Variants in SAMMSON observed in about 807,000 individuals in gnomAD.
SAMMSON encodes the protein long intergenic non-protein coding RNA 1212.
intron 4 of SAMMSON, among the ~76,000 whole-genome samples, chr3:70,085,718 G>A (rs1170558307): frequency 6.6e-6 from 1 of 152,144 alleles, no homozygotes; most frequent in East Asian, 1.9e-4. Context: ...AGTAGACTCA[G>A]TTTAAACACA....
intron 4 of SAMMSON, among the ~76,000 whole-genome samples, chr3:70,190,470 C>G (rs745591485): frequency 6.6e-6 from 1 of 152,166 alleles, no homozygotes; most frequent in Non-Finnish European, 1.5e-5. Flanking sequence ...CCATCTTAGT[C>G]CAGGTCACTA....
At chr3:70,138,233 TTTTG>T (rs892534231) in intron 4 of SAMMSON, among the ~76,000 whole-genome samples, 42 of 152,318 alleles carry the variant, frequency 2.8e-4, no homozygotes, top group African/African-American at 7.7e-4. Context: ...AATCCCCATT[TTTTG>T]TTTGTTTGTG....
chr3:70,094,859 T>G (rs1258012918), intron 4 of SAMMSON: 1 of 152,056 alleles, frequency 6.6e-6, no homozygotes, highest in Non-Finnish European at 1.5e-5. Flanking sequence ...AGGTTACAGG[T>G]AAGGGTTTTT....
intron 3 of SAMMSON, among the ~76,000 whole-genome samples, chr3:70,037,110 G>C (rs2107585414): frequency 6.6e-6 from 1 of 152,022 alleles, no homozygotes; most frequent in East Asian, 1.9e-4. Context: ...TATGGTACAG[G>C]AATGGGAGTC....
chr3:70,233,413 A>G (rs1257266386), intron 4 of SAMMSON, among the ~76,000 whole-genome samples: 1 of 152,166 alleles, frequency 6.6e-6, no homozygotes, highest in East Asian at 1.9e-4. Context: ...ATCTCATTTT[A>G]AATCACTTGC....
At chr3:70,270,768 A>C (rs1317561620) in intron 6 of SAMMSON, among the ~76,000 whole-genome samples, 1 of 152,204 alleles carries the variant, frequency 6.6e-6, no homozygotes, top group Non-Finnish European at 1.5e-5. Context: ...CATCATTCTC[A>C]GCAAACTAAC....
In SAMMSON at chr3:70,179,628, A is replaced by G. The variant is rs147543508; in HGVS notation, n.508-69479A>G. Among the ~76,000 whole-genome samples the G allele has an allele frequency of 6.8e-4, 103 of 152,304 alleles. 3 individuals are homozygous for G. Among genetic ancestry groups the G allele is most frequent in the East Asian group, 6.2e-3 (32 of 5,182 alleles). ...GGCAGAGGTGGGTCTTAACACTAGG[A>G]TCTTTATCTACCAGCCCAACACTTT... On this transcript the variant is annotated intron_variant and non_coding_transcript_variant, in intron 4 of 9. Coordinates refer to ENST00000642114, the Ensembl canonical transcript of SAMMSON.
intron 6 of SAMMSON, among the ~76,000 whole-genome samples, chr3:70,255,776 G>A (rs6419771): frequency 0.99 from 150,410 of 152,292 alleles, 74,290 homozygotes; most frequent in Non-Finnish European, 1. Context: ...TTTTTCAACT[G>A]CAGCTTATGT....
chr3:70,192,656 G>A (rs779915098), intron 4 of SAMMSON, among the ~76,000 whole-genome samples: 5 of 152,114 alleles, frequency 3.3e-5, no homozygotes, highest in South Asian at 2.1e-4. Context: ...TAGAACTAGC[G>A]TTGCCAGATT....
chr3:70,178,064 C>T (rs1476589125), intron 4 of SAMMSON, among the ~76,000 whole-genome samples: 3 of 152,120 alleles, frequency 2.0e-5, no homozygotes, highest in East Asian at 1.9e-4. Flanking sequence ...ACCAGTTGGC[C>T]GTTACACATG....
intron 4 of SAMMSON, among the ~76,000 whole-genome samples, chr3:70,235,793 C>A (rs1701600843): frequency 6.6e-6 from 1 of 152,154 alleles, no homozygotes. Context: ...AGCCTCATTT[C>A]TTTATCTATA....
At chr3:70,276,740 T>C (rs536253108) in intron 6 of SAMMSON, among the ~76,000 whole-genome samples, 1 of 152,250 alleles carries the variant, frequency 6.6e-6, no homozygotes, top group African/African-American at 2.4e-5. Context: ...TTATGTATTA[T>C]CTGTGTTTTC....
chr3:70,417,652 A>T (rs9875138), intron 2 of SAMMSON, among the ~76,000 whole-genome samples: 26,277 of 152,000 alleles, frequency 0.17, 2,715 homozygotes, highest in Middle Eastern at 0.26. Context: ...ACTTTCTCTG[A>T]GTTAGCTTCC....
At chr3:70,211,114 A>T (rs1240154945) in intron 4 of SAMMSON, among the ~76,000 whole-genome samples, 1 of 152,114 alleles carries the variant, frequency 6.6e-6, no homozygotes, top group Non-Finnish European at 1.5e-5. Flanking sequence ...TCAAATGATG[A>T]ATAAGTACTA....
intron 3 of SAMMSON, among the ~76,000 whole-genome samples, chr3:70,020,416 G>A (rs948626367): frequency 4.6e-5 from 7 of 152,148 alleles, no homozygotes; most frequent in African/African-American, 1.7e-4. Context: ...AAATGCTCTG[G>A]ATTTGCACTG....
chr3:70,220,728 C>A (rs1701454350), intron 4 of SAMMSON, among the ~76,000 whole-genome samples: 1 of 152,132 alleles, frequency 6.6e-6, no homozygotes, highest in Non-Finnish European at 1.5e-5. Context: ...CTGTATCAGG[C>A]AGTGAAAATA....
chr3:70,261,929 C>G (rs1701870728), intron 6 of SAMMSON, among the ~76,000 whole-genome samples: 1 of 152,098 alleles, frequency 6.6e-6, no homozygotes, highest in Non-Finnish European at 1.5e-5. Flanking sequence ...CATAAACGGC[C>G]AAGTTTAAAG....
rs115950754 is a variant in SAMMSON, at chr3:70,035,570, G to A, written n.417+21898G>A. Among the ~76,000 whole-genome samples the A allele has an allele frequency of 4.7e-3, 717 of 152,260 alleles. 9 individuals carry two copies. The highest frequency in any genetic ancestry group is 0.016 in the African/African-American group (670 of 41,560). On this transcript the variant is annotated intron_variant and non_coding_transcript_variant, in intron 3 of 9. Transcript: ENST00000642114. The stretch of plus-strand genomic sequence containing the variant: ...CAGCAAATGTTATGCAACTCCGGGA[G>A]TACCAAAAGTGACCTGTTAGTCCCT...
At chr3:70,417,261 G>C (rs1341188066) in intron 2 of SAMMSON, among the ~76,000 whole-genome samples, 2 of 152,054 alleles carry the variant, frequency 1.3e-5, no homozygotes, top group Non-Finnish European at 2.9e-5. Flanking sequence ...CATCAGTCAG[G>C]TAAAATTGAC....
Sources: allele counts gnomAD v4.1 joint callset (sites outside exome capture counted in the v4.1 genomes callset), GRCh38; gene constraint gnomAD v4.1.1; transcripts MANE v1.5; gene names NCBI Gene and HGNC (gene_info 2026-07-23, HGNC 2026-07-21).